CANX: variants seen among roughly 807,000 people sequenced by gnomAD.
CANX encodes the protein calnexin.
A neutral mutation model predicts 75.7 loss-of-function variants in CANX; 14 were observed. The observed-to-expected ratio is 0.19, with a 90% CI of 0.12 to 0.29. The LOEUF (loss-of-function observed/expected upper bound fraction) is 0.29, where lower values mean the gene tolerates loss of function less well. Ranked by LOEUF, CANX falls within the 10% of genes least tolerant of loss-of-function variation. The probability of loss-of-function intolerance (pLI) is 1.00; values close to 1 mark genes in which losing one functional copy is unlikely to be tolerated. For missense variants in CANX, 567 were observed against 713.2 expected, an observed-to-expected ratio of 0.79 and a Z score of 2.34; for synonymous variants, 227 against 236.9, an observed-to-expected ratio of 0.96 and a Z score of 0.38.
chr5:179,696,193 G>T (rs11739941), upstream of CANX, among the ~76,000 whole-genome samples: 3 of 150,680 alleles, frequency 2.0e-5, no homozygotes, highest in South Asian at 2.1e-4. Flanking sequence ...TGCTGAATTA[G>T]AGGCATGAGC....
intron 8 of CANX, among the ~76,000 whole-genome samples, chr5:179,718,890 C>T (rs1002095318): frequency 2.0e-5 from 3 of 151,050 alleles, no homozygotes; most frequent in African/African-American, 7.3e-5. Flanking sequence ...GTCTTGAACT[C>T]CTGTCCTCAG....
chr5:179,681,018 G>A (rs1389703555), intron 1 of CANX: 1 of 1,065,538 alleles, frequency 9.4e-7, no homozygotes, highest in Admixed American at 2.0e-5. Flanking sequence ...GAGTTGCTGA[G>A]CTGCTGTCCC....
Position 179,723,660 on chromosome 5 carries a change from C to G in CANX, c.1399C>G (p.Pro467Ala). The G allele has an allele frequency of 1.2e-6, 2 of 1,611,256 alleles. No homozygotes were observed. Among genetic ancestry groups the G allele is most frequent in the Non-Finnish European group, 1.7e-6 (2 of 1,179,148 alleles). Residue 467 changes from proline (P) to alanine (A), a missense_variant and splice_region_variant, in exon 12 of 15, where the codon CCA (proline) becomes GCA (alanine). Transcript: ENST00000247461. ...LKKAADGAAE[P>A]GVVGQMIEAA... ...CAATCAGCCCTGTCTTGTTTTTCAG[C>G]CAGGCGTTGTGGGGCAGATGATCGA...
chr5:179,723,531 T>G (rs1181067367), intron 11 of CANX, 129 bp from the exon 12 acceptor site: 10 of 876,980 alleles, frequency 1.1e-5, no homozygotes, highest in Non-Finnish European at 1.6e-5. Flanking sequence ...TTTTACATTT[T>G]ATGAGCATTT....
intron 11 of CANX, 154 bp from the exon 12 acceptor site, chr5:179,723,506 T>G: frequency 2.8e-6 from 2 of 712,654 alleles, no homozygotes; most frequent in South Asian, 4.2e-5. Context: ...GGATGGAGGC[T>G]TTCTCTAATT....
Position 179,711,810 on chromosome 5 carries a change from A to AT in CANX, c.721+1751dup, listed in dbSNP as rs1777577605. 2.6e-5 allele frequency among the ~76,000 whole-genome samples: 3 copies of AT among 117,012 alleles called. No individual in the cohort carries two copies. The South Asian group carries it at 7.9e-4, about 31-fold the overall frequency. The allele number at this position is 117,012 out of a possible 152,430, so 76.8% of individuals were successfully genotyped here. A position where few individuals can be genotyped will look rare whatever the true frequency, so the allele number is the denominator to read the frequency against. Reference sequence around the variant, plus strand: ...CAAAAAAAAAAAAAAAAAAATTGGTATTTTTTGCTGGACATGGTGGCTCAT... The same window carrying AT: ...CAAAAAAAAAAAAAAAAAAATTGGTATTTTTTTGCTGGACATGGTGGCTCAT... On this transcript the variant is annotated intron_variant, in intron 7 of 14. Coordinates refer to ENST00000247461, the MANE Select transcript of CANX (RefSeq NM_001746.4).
intron 1 of CANX, among the ~76,000 whole-genome samples, chr5:179,689,379 GTTTTTT>G (rs958473912): frequency 2.4e-5 from 2 of 83,670 alleles, no homozygotes; most frequent in Admixed American, 1.6e-4. Context: ...AACCCAACAA[GTTTTTT>G]TTTTTTTTTT....
rs71001039 is a variant in CANX at position 179,684,926 on chromosome 5, A to AT, written c.-4+6179dup. ...TGCCACCACACCTGGCTAATTTTGT[A>AT]TTTTTTTTTTTTTTTTTTTTTTTTT... On this transcript the variant is annotated intron_variant, in intron 1 of 14. Coordinates refer to the CANX transcript ENST00000681674. Among the ~76,000 whole-genome samples, 42 of 49,146 alleles carry AT rather than the reference A, an allele frequency of 8.5e-4. 2 individuals carry two copies. The highest frequency in any genetic ancestry group is 1.9e-3 in the African/African-American group (21 of 11,062). The allele number at this position is 49,146 out of a possible 152,430, so 32.2% of individuals were successfully genotyped here. A position where few individuals can be genotyped will look rare whatever the true frequency, so the allele number is the denominator to read the frequency against.
At chr5:179,713,481 CAA>C (rs1315591803) in intron 7 of CANX, among the ~76,000 whole-genome samples, 3 of 152,076 alleles carry the variant, frequency 2.0e-5, no homozygotes, top group Admixed American at 2.0e-4. Context: ...GGGTTGAAGA[CAA>C]GTTGGTTAAT....
intron 1 of CANX, among the ~76,000 whole-genome samples, chr5:179,689,947 C>G (rs1776271740): frequency 6.6e-6 from 1 of 152,058 alleles, no homozygotes; most frequent in South Asian, 2.1e-4. Flanking sequence ...AGGTTTGGAG[C>G]CCGTGAGGAA....
chr5:179,716,105 T>C lies in CANX; in HGVS notation c.722T>C (p.Ile241Thr). 6.3e-7 allele frequency: 1 copy of C among 1,596,936 alleles called. No individual in the cohort carries two copies. Among genetic ancestry groups the C allele is most frequent in the South Asian group, 1.1e-5 (1 of 90,450 alleles). Reference protein sequence around the residue: ...TDKKTHLYTLILNPDNSFEIL... With the variant: ...TDKKTHLYTLTLNPDNSFEIL... Reference sequence around the variant, plus strand: ...TAATTCCATTTAATGTTTCTTTCAGTCTTGAATCCAGATAATAGTTTTGAA... The same window carrying C: ...TAATTCCATTTAATGTTTCTTTCAGCCTTGAATCCAGATAATAGTTTTGAA... The change falls in exon 8 of 15, where the codon ATC (isoleucine) becomes ACC (threonine). Residue 241 changes from isoleucine to threonine, a missense_variant and splice_region_variant. Ile to Thr is a moderately conservative substitution (Grantham distance 89, BLOSUM62 -1). Transcript: ENST00000247461.
intron 1 of CANX, among the ~76,000 whole-genome samples, chr5:179,684,901 T>C (rs1776157577): frequency 1.4e-5 from 2 of 143,442 alleles, no homozygotes; most frequent in Non-Finnish European, 3.0e-5. Context: ...TACAGGCGTG[T>C]GCCACCACAC....
intron 1 of CANX, among the ~76,000 whole-genome samples, chr5:179,684,423 T>C (rs1581814530): frequency 7.2e-6 from 1 of 138,204 alleles, no homozygotes. Flanking sequence ...CACTGCAAGC[T>C]CCACCTCCCG....
At position 179,705,864 on chromosome 5, in the gene CANX, T is replaced by C. The variant is rs570212562; in HGVS notation, c.171+12T>C. 1.2e-6 allele frequency: 2 copies of C among 1,608,050 alleles called. No individual in the cohort carries two copies. Among genetic ancestry groups the C allele is most frequent in the South Asian group, 2.2e-5 (2 of 90,820 alleles). Reference sequence around the variant, plus strand: ...CTTCATCTCCCAAGGTTTGAAATGGTCTTTGAATCTATTCCTTTTACGTCT... The same window carrying C: ...CTTCATCTCCCAAGGTTTGAAATGGCCTTTGAATCTATTCCTTTTACGTCT... On this transcript the variant is annotated intron_variant, in intron 2 of 14. Coordinates refer to ENST00000247461, the MANE Select transcript of CANX (RefSeq NM_001746.4).
chr5:179,711,655 G>A (rs1777562106), intron 7 of CANX, among the ~76,000 whole-genome samples: 1 of 151,390 alleles, frequency 6.6e-6, no homozygotes, highest in African/African-American at 2.4e-5. Flanking sequence ...CGGGCATGGT[G>A]GAGGGTGCCT....
chr5:179,704,718 C>A (rs1217967129), intron 1 of CANX, among the ~76,000 whole-genome samples: 1 of 152,058 alleles, frequency 6.6e-6, no homozygotes, highest in Non-Finnish European at 1.5e-5. Context: ...TGCCTGTAAT[C>A]ACAGCTACTC....
chr5:179,697,252 A>AG (rs964149162), upstream of CANX, among the ~76,000 whole-genome samples: 2 of 151,892 alleles, frequency 1.3e-5, no homozygotes. Context: ...TTGTAGAGAC[A>AG]GGGGTCTCAC....
intron 1 of CANX, among the ~76,000 whole-genome samples, chr5:179,691,315 A>G (rs6872508): frequency 0.96 from 145,836 of 152,162 alleles, 70,184 homozygotes; most frequent in East Asian, 1. Flanking sequence ...GTGAGCCATC[A>G]TGCCTGGCCT....
At chr5:179,709,132 G>T in intron 6 of CANX, 73 bp downstream of exon 6, 1 of 924,018 alleles carries the variant, frequency 1.1e-6, no homozygotes, top group South Asian at 1.3e-5. Context: ...AATTGGGCCG[G>T]GTGCAGTGGC....
Sources: allele counts gnomAD v4.1 joint callset (sites outside exome capture counted in the v4.1 genomes callset), GRCh38; gene constraint gnomAD v4.1.1; transcripts MANE v1.5; gene names NCBI Gene and HGNC (gene_info 2026-07-23, HGNC 2026-07-21).